Variants in ZNF831 observed in about 807,000 individuals in gnomAD.
The protein encoded by ZNF831 is zinc finger protein 831.
Under a neutral mutation model 95.8 loss-of-function variants are expected in ZNF831, and 59 were observed. That is an observed-to-expected ratio of 0.62 (90% CI 0.50 to 0.77). The LOEUF (loss-of-function observed/expected upper bound fraction) is 0.77. Among genes scored for constraint, ZNF831 ranks in the 30% least tolerant of loss-of-function variants. The pLI is 0.00. For missense variants in ZNF831, 2,205 were observed against 2,164.0 expected (o/e 1.02, Z -0.38); for synonymous variants, 961 against 925.5 (o/e 1.04, Z -0.70).
chr20:59,132,405 G>A (rs537344351), intron 1 of ZNF831, among the ~76,000 whole-genome samples: 14 of 151,208 alleles, frequency 9.3e-5, no homozygotes, highest in Middle Eastern at 3.4e-3. Context: ...TAATCGCTGT[G>A]CCCATATTGC....
At chr20:59,252,083 T>G (rs1987918698) in intron 4 of ZNF831, among the ~76,000 whole-genome samples, 1 of 152,154 alleles carries the variant, frequency 6.6e-6, no homozygotes, top group Non-Finnish European at 1.5e-5. Flanking sequence ...TCACAGCTAC[T>G]ACTTCCACAA....
rs968957970 is a variant in ZNF831, at chr20:59,208,810, G to A, written c.4027+1754G>A. Among the ~76,000 whole-genome samples, 9 of 152,108 alleles carry A rather than the reference G, an allele frequency of 5.9e-5. No individual in the cohort carries two copies. The highest frequency in any genetic ancestry group is 1.4e-4 in the African/African-American group (6 of 41,404). On this transcript the variant is annotated intron_variant, in intron 4 of 5. Transcript: ENST00000371030. The surrounding 1 kb of genome is among the most constrained non-coding windows in gnomAD (Gnocchi z 4.2). ...CGCTGGCAGAGAGCTGGTAGCCCCC[G>A]CTACCTGGGAGGTTCTGATGGTCAC... is the stretch of plus-strand genomic sequence containing the variant.
intron 1 of ZNF831, among the ~76,000 whole-genome samples, chr20:59,175,346 C>T (rs1055926092): frequency 2.6e-5 from 4 of 152,080 alleles, no homozygotes; most frequent in Non-Finnish European, 4.4e-5. Flanking sequence ...TTTCTCTTCT[C>T]CTTCCCAGGC....
intron 4 of ZNF831, among the ~76,000 whole-genome samples, chr20:59,243,104 G>A (rs1332710957): frequency 6.6e-6 from 1 of 152,232 alleles, no homozygotes; most frequent in Non-Finnish European, 1.5e-5. Flanking sequence ...GGCAGGGGAT[G>A]AGGGAGACCT....
chr20:59,253,587 G>A (rs1988014474), intron 5 of ZNF831, among the ~76,000 whole-genome samples: 1 of 152,180 alleles, frequency 6.6e-6, no homozygotes, highest in Admixed American at 6.5e-5. Flanking sequence ...CGCTTCATGA[G>A]CGGTAGTGAC....
intron 3 of ZNF831, among the ~76,000 whole-genome samples, chr20:59,198,250 T>C (rs1984268825): frequency 1.3e-5 from 2 of 152,186 alleles, no homozygotes. Context: ...AAGACCCTTA[T>C]TAGGCCAGTG....
intron 4 of ZNF831, among the ~76,000 whole-genome samples, chr20:59,210,322 G>A (rs2146645597): frequency 6.6e-6 from 1 of 152,336 alleles, no homozygotes; most frequent in Non-Finnish European, 1.5e-5. Flanking sequence ...GATAGCTATG[G>A]GGCCCACTGG....
At chr20:59,241,684 C>T (rs1987345331) in intron 4 of ZNF831, among the ~76,000 whole-genome samples, 1 of 152,134 alleles carries the variant, frequency 6.6e-6, no homozygotes, top group Non-Finnish European at 1.5e-5. Context: ...TTATCTCAGT[C>T]CTCTTGTCTT....
At chr20:59,229,512 T>G (rs1312246625) in intron 4 of ZNF831, among the ~76,000 whole-genome samples, 1 of 152,140 alleles carries the variant, frequency 6.6e-6, no homozygotes, top group East Asian at 1.9e-4. Flanking sequence ...CGGGGAGTGG[T>G]GAAGAATGGA....
chr20:59,159,261 T>G (rs141405101), upstream of ZNF831, among the ~76,000 whole-genome samples: 155 of 151,850 alleles, frequency 1.0e-3, 1 homozygote, highest in African/African-American at 3.6e-3. Context: ...AGATAAGGAC[T>G]AGCAACCCAG....
upstream of ZNF831, among the ~76,000 whole-genome samples, chr20:59,161,070 G>A (rs561300452): frequency 6.6e-6 from 1 of 152,262 alleles, no homozygotes; most frequent in East Asian, 1.9e-4. Flanking sequence ...ATGGTGCTTA[G>A]AAAAATTAGA....
chr20:59,195,751 G>A, intron 2 of ZNF831, 118 bp from the exon 3 acceptor site: 2 of 1,504,054 alleles, frequency 1.3e-6, no homozygotes, highest in Admixed American at 2.2e-5. Flanking sequence ...TAGCAATGCA[G>A]TATTTCCGTT....
chr20:59,190,827 A>T (rs1983437128), intron 1 of ZNF831, among the ~76,000 whole-genome samples, 157 bp from the exon 2 acceptor site: 1 of 152,188 alleles, frequency 6.6e-6, no homozygotes, highest in Non-Finnish European at 1.5e-5. Flanking sequence ...TCCCTTTTGG[A>T]TGAGAGTACC....
At chr20:59,175,125 G>A (rs767654108) in intron 1 of ZNF831, among the ~76,000 whole-genome samples, 2 of 150,292 alleles carry the variant, frequency 1.3e-5, no homozygotes, top group African/African-American at 2.5e-5. Flanking sequence ...TGTAGCTAAG[G>A]CATTGTTTCT....
chr20:59,194,743 G>A lies in ZNF831; in HGVS notation c.3724G>A (p.Ala1242Thr), dbSNP rs2146604607. 1 of 1,564,666 alleles carries A rather than the reference G, an allele frequency of 6.4e-7. No individual in the cohort carries two copies. Among genetic ancestry groups the A allele is most frequent in the East Asian group, 2.2e-5 (1 of 44,530 alleles). ...GACAAGCCCTGGAGAAGGAGGGCCGGCGCAGATGTCCAAGGTAAAGCTGGG... is the reference window on the plus strand; with the variant it reads ...GACAAGCCCTGGAGAAGGAGGGCCGACGCAGATGTCCAAGGTAAAGCTGGG... ...TWTSPGEGGPAQMSKFSYPTV... is the reference protein window; with the variant it reads ...TWTSPGEGGPTQMSKFSYPTV... Residue 1242 changes from alanine to threonine, a missense_variant, in exon 2 of 6, where the codon GCG (alanine) becomes ACG (threonine). Physicochemically the swap from Ala to Thr is moderately conservative, Grantham distance 58. Coordinates refer to ENST00000371030, the MANE Select transcript of ZNF831 (RefSeq NM_178457.3).
chr20:59,186,414 A>G (rs1983042558), intron 1 of ZNF831, among the ~76,000 whole-genome samples: 2 of 152,338 alleles, frequency 1.3e-5, no homozygotes, highest in Non-Finnish European at 1.5e-5. Context: ...TCAAAATATT[A>G]TGGCGTATAA....
At chr20:59,171,920 T>A (rs1166224507) in intron 1 of ZNF831, among the ~76,000 whole-genome samples, 1 of 152,194 alleles carries the variant, frequency 6.6e-6, no homozygotes, top group African/African-American at 2.4e-5. Context: ...GAGTATGTAC[T>A]TTTCTCCCAA....
intron 1 of ZNF831, among the ~76,000 whole-genome samples, chr20:59,131,200 C>G (rs1056358680): frequency 6.6e-6 from 1 of 152,192 alleles, no homozygotes; most frequent in Non-Finnish European, 1.5e-5. Flanking sequence ...CTCTCTGCCC[C>G]TTCCTTTCAT....
At position 59,191,348 on chromosome 20, in the gene ZNF831, C is replaced by T. The variant is rs374472847; in HGVS notation, c.329C>T (p.Ala110Val). The T allele has an allele frequency of 5.6e-6, 9 of 1,607,214 alleles. No individual in the cohort carries two copies. The highest frequency in any genetic ancestry group is 4.0e-5 in the African/African-American group (3 of 74,860). The change falls in exon 2 of 6, where the codon GCC (alanine) becomes GTC (valine). Residue 110 changes from alanine (A) to valine (V), a missense_variant. Transcript: ENST00000371030. Reference sequence around the variant, plus strand: ...CCCACCCAGGTGGGGAAGCCGGCGGCCCCTACGCTGACGGTGAACATCGTG... The same window carrying T: ...CCCACCCAGGTGGGGAAGCCGGCGGTCCCTACGCTGACGGTGAACATCGTG... ...PGPTQVGKPAAPTLTVNIVGT... is the reference protein window; with the variant it reads ...PGPTQVGKPAVPTLTVNIVGT...
Sources: gnomAD v4.1 joint callset for allele counts (sites outside exome capture counted in the v4.1 genomes callset) on GRCh38, gnomAD v4.1.1 for gene constraint, Gnocchi (gnomAD v3.1) non-coding constraint, MANE v1.5 for transcripts, NCBI Gene and HGNC (gene_info 2026-07-23, HGNC 2026-07-21) for gene names.